Variants in LRMDA observed in about 807,000 individuals in gnomAD.
LRMDA encodes leucine-rich melanocyte differentiation-associated protein.
In LRMDA, 18 loss-of-function variants were observed where a neutral mutation model predicts 29.8. That is an observed-to-expected ratio of 0.60 (90% CI 0.42 to 0.90). The LOEUF (loss-of-function observed/expected upper bound fraction) is 0.90, where lower values mean the gene tolerates loss of function less well. Ranked by LOEUF, LRMDA falls within the 40% of genes least tolerant of loss-of-function variation. The pLI is 0.00. For synonymous variants in LRMDA, 125 were observed against 109.4 expected, an observed-to-expected ratio of 1.14 and a Z score of -0.89; for missense variants, 273 against 273.9, an observed-to-expected ratio of 1.00 and a Z score of 0.02.
intron 6 of LRMDA, among the ~76,000 whole-genome samples, chr10:76,372,544 C>G (rs964126616): frequency 6.6e-6 from 1 of 151,790 alleles, no homozygotes; most frequent in African/African-American, 2.4e-5. Context: ...ACCGAGGAGG[C>G]AGAGGAATGC....
intron 5 of LRMDA, among the ~76,000 whole-genome samples, chr10:76,195,042 A>C (rs1432260815): frequency 1.3e-5 from 2 of 152,210 alleles, no homozygotes; most frequent in South Asian, 2.1e-4. Context: ...TCATTTTTAC[A>C]GGCCTCCTAA....
At chr10:75,622,803 G>A (rs1841204823) in intron 2 of LRMDA, among the ~76,000 whole-genome samples, 2 of 152,164 alleles carry the variant, frequency 1.3e-5, no homozygotes, top group Admixed American at 1.3e-4. Flanking sequence ...AAGATACACT[G>A]CTTTTAAAAA....
intron 2 of LRMDA, among the ~76,000 whole-genome samples, chr10:75,930,988 A>G (rs545370977): frequency 1.3e-5 from 2 of 152,328 alleles, no homozygotes; most frequent in African/African-American, 4.8e-5. Flanking sequence ...ACTACAAAGT[A>G]TTGGTACTAT....
In LRMDA at chr10:75,739,801, C is replaced by T. The variant is rs551333055; in HGVS notation, c.132-296207C>T. Among the ~76,000 whole-genome samples, 37 of 152,222 alleles carry T rather than the reference C, an allele frequency of 2.4e-4. No homozygotes were observed. In the South Asian group the frequency reaches 4.3e-3, roughly 18 times the overall value. ...TAACTAGTCAGATGTTAGTGTCTGT[C>T]GGTAATTTATCTGTTGTGCCTTCTG... On this transcript the variant is annotated intron_variant, in intron 2 of 6. Coordinates refer to ENST00000611255, the MANE Select transcript of LRMDA (RefSeq NM_001305581.2).
intron 2 of LRMDA, among the ~76,000 whole-genome samples, chr10:75,477,272 C>A (rs181415979): frequency 6.6e-6 from 1 of 152,118 alleles, no homozygotes; most frequent in African/African-American, 2.4e-5. Context: ...GTGAAGACAC[C>A]AGTCATGTTG....
At chr10:76,533,147 G>A (rs985359791) in intron 6 of LRMDA, among the ~76,000 whole-genome samples, 4 of 130,008 alleles carry the variant, frequency 3.1e-5, no homozygotes, top group South Asian at 5.4e-4. Flanking sequence ...GAGCGAGAGC[G>A]AGAGTGAGAG....
intron 5 of LRMDA, among the ~76,000 whole-genome samples, chr10:76,195,943 C>T (rs958025316): frequency 3.3e-5 from 5 of 152,120 alleles, no homozygotes; most frequent in Non-Finnish European, 7.4e-5. Flanking sequence ...GTCTCCTTGT[C>T]AGCATTGTGC....
intron 2 of LRMDA, among the ~76,000 whole-genome samples, chr10:75,885,716 G>T (rs1845376816): frequency 6.6e-6 from 1 of 152,236 alleles, no homozygotes; most frequent in South Asian, 2.1e-4. Flanking sequence ...GTGATGTTTA[G>T]TAAATTGGGA....
chr10:76,135,024 A>C (rs1452794928), intron 5 of LRMDA, among the ~76,000 whole-genome samples: 1 of 152,230 alleles, frequency 6.6e-6, no homozygotes, highest in Non-Finnish European at 1.5e-5. Context: ...CCACCAGTTT[A>C]GTTGGTATTG....
At chr10:75,837,549 C>T (rs1464134904) in intron 2 of LRMDA, among the ~76,000 whole-genome samples, 1 of 152,074 alleles carries the variant, frequency 6.6e-6, no homozygotes, top group Non-Finnish European at 1.5e-5. Context: ...TTGTCTTCAA[C>T]CAAGCTTAGG....
intron 2 of LRMDA, among the ~76,000 whole-genome samples, chr10:75,569,314 G>A (rs1840408729): frequency 6.6e-6 from 1 of 152,156 alleles, no homozygotes; most frequent in Admixed American, 6.5e-5. Flanking sequence ...TCAGAAAAAA[G>A]CACTGGGTTT....
At chr10:75,579,127 C>A (rs1163983886) in intron 2 of LRMDA, among the ~76,000 whole-genome samples, 1 of 152,132 alleles carries the variant, frequency 6.6e-6, no homozygotes, top group Non-Finnish European at 1.5e-5. Flanking sequence ...ATCAATGAAT[C>A]CAGGAGCTGG....
intron 6 of LRMDA, among the ~76,000 whole-genome samples, chr10:76,483,523 T>G (rs1436669471): frequency 1.3e-5 from 2 of 151,922 alleles, no homozygotes; most frequent in Non-Finnish European, 2.9e-5. Context: ...CTAATCTGAA[T>G]GATCTCCGGG....
At chr10:76,037,022 T>C (rs563734190) in intron 3 of LRMDA, among the ~76,000 whole-genome samples, 4 of 152,222 alleles carry the variant, frequency 2.6e-5, no homozygotes, top group South Asian at 2.1e-4. Context: ...CTATTCCTTA[T>C]TGAGCACTCC....
At chr10:76,389,284 C>A (rs905381201) in intron 6 of LRMDA, among the ~76,000 whole-genome samples, 3 of 151,832 alleles carry the variant, frequency 2.0e-5, no homozygotes, top group African/African-American at 7.3e-5. Flanking sequence ...GCTGTGGTGG[C>A]AAGTTTCGAA....
rs1051821623 is a variant in LRMDA at position 76,329,874 on chromosome 10, C to G, written c.601+5389C>G. ...TTAAATTATTTAAAACATTTTTAGC[C>G]TGAGATATCATAAAATACGTTTCCA... On this transcript the variant is annotated intron_variant, in intron 6 of 6. Transcript: ENST00000611255. Among the ~76,000 whole-genome samples the G allele has an allele frequency of 7.2e-5, 11 of 152,214 alleles. No individual in the cohort carries two copies. In the East Asian group the frequency reaches 2.1e-3, roughly 29 times the overall value.
At chr10:75,817,666 G>A (rs1452043839) in intron 2 of LRMDA, among the ~76,000 whole-genome samples, 1 of 152,194 alleles carries the variant, frequency 6.6e-6, no homozygotes, top group Non-Finnish European at 1.5e-5. Context: ...ATGTATAAAA[G>A]AGAAGACACA....
intron 5 of LRMDA, among the ~76,000 whole-genome samples, chr10:76,119,013 C>T: frequency 6.6e-6 from 1 of 151,938 alleles, no homozygotes; most frequent in Non-Finnish European, 1.5e-5. Flanking sequence ...GGATGAAGTT[C>T]CTGATAATAT....
intron 2 of LRMDA, among the ~76,000 whole-genome samples, chr10:75,801,567 C>A (rs1843743937): frequency 6.6e-6 from 1 of 152,152 alleles, no homozygotes; most frequent in Non-Finnish European, 1.5e-5. Flanking sequence ...CTTTATGCAT[C>A]TGCCTCCTAC....
Sources: allele counts gnomAD v4.1 joint callset (sites outside exome capture counted in the v4.1 genomes callset), GRCh38; gene constraint gnomAD v4.1.1; transcripts MANE v1.5; gene names NCBI Gene and HGNC (gene_info 2026-07-23, HGNC 2026-07-21).